GALNTL6: variants seen among roughly 807,000 people sequenced by gnomAD.
GALNTL6 encodes polypeptide N-acetylgalactosaminyltransferase-like 6.
A neutral mutation model predicts 73.7 loss-of-function variants in GALNTL6; 46 were observed. The ratio of observed to expected loss-of-function variants is 0.62; its 90% confidence interval spans 0.49 to 0.80. GALNTL6 has a LOEUF of 0.80. GALNTL6 is among the 30% of genes least tolerant of loss of function. GALNTL6 has a pLI of 0.00. For missense variants in GALNTL6, 604 were observed against 755.0 expected (o/e 0.80, Z 2.34); for synonymous variants, 259 against 263.7 (o/e 0.98, Z 0.17).
intron 5 of GALNTL6, among the ~76,000 whole-genome samples, chr4:172,568,563 T>C (rs1406004723): frequency 6.6e-6 from 1 of 151,750 alleles, no homozygotes; most frequent in Non-Finnish European, 1.5e-5. Flanking sequence ...GAGACCATCC[T>C]GGCTAACACG....
chr4:172,576,578 A>G (rs935776781), intron 5 of GALNTL6, among the ~76,000 whole-genome samples: 3 of 152,150 alleles, frequency 2.0e-5, no homozygotes, highest in Non-Finnish European at 4.4e-5. Flanking sequence ...TCAATTACCT[A>G]ACTTCTGAGT....
rs950159220 is a variant in GALNTL6, at chr4:171,841,222, A to T, written c.138+26504A>T. ...ATAAAGGTTAAAAATAATGTAGCAT[A>T]TGATTATCAGGATGAAGAATTGAAA... On this transcript the variant is annotated intron_variant, in intron 2 of 12. Transcript: ENST00000506823. Among the ~76,000 whole-genome samples the T allele has an allele frequency of 5.9e-5, 9 of 152,320 alleles. No homozygotes were observed. The South Asian group carries it at 1.9e-3, about 32-fold the overall frequency.
intron 1 of GALNTL6, 117 bp from the exon 2 acceptor site, chr4:171,814,295 T>G: frequency 2.1e-6 from 1 of 471,606 alleles, no homozygotes; most frequent in East Asian, 4.1e-5. Context: ...TGCTTTATAT[T>G]AATGGAGGTC....
At chr4:172,159,790 C>G (rs879608626) in intron 2 of GALNTL6, among the ~76,000 whole-genome samples, 1 of 151,992 alleles carries the variant, frequency 6.6e-6, no homozygotes, top group Non-Finnish European at 1.5e-5. Flanking sequence ...ATCATACATG[C>G]GTTGAAATAA....
chr4:172,233,042 G>T (rs1737122756), intron 3 of GALNTL6, among the ~76,000 whole-genome samples: 1 of 151,972 alleles, frequency 6.6e-6, no homozygotes, highest in Non-Finnish European at 1.5e-5. Flanking sequence ...TAAAAGATAG[G>T]TCATACTGAT....
At chr4:171,912,300 A>G (rs1280300791) in intron 2 of GALNTL6, among the ~76,000 whole-genome samples, 2 of 152,174 alleles carry the variant, frequency 1.3e-5, no homozygotes, top group Non-Finnish European at 1.5e-5. Context: ...TTGCTGCAGT[A>G]GGAGTGTGAC....
chr4:172,084,778 G>A (rs1731977229), intron 2 of GALNTL6, among the ~76,000 whole-genome samples: 1 of 152,078 alleles, frequency 6.6e-6, no homozygotes, highest in South Asian at 2.1e-4. Flanking sequence ...AGTATAATGA[G>A]TCATATACAG....
chr4:172,180,105 C>A (rs1735188575), intron 2 of GALNTL6, among the ~76,000 whole-genome samples: 1 of 152,222 alleles, frequency 6.6e-6, no homozygotes, highest in Admixed American at 6.5e-5. Flanking sequence ...TCTCCAGCAT[C>A]TGTTGTTTCC....
At chr4:172,807,839 C>T (rs767532998) in intron 5 of GALNTL6, among the ~76,000 whole-genome samples, 1 of 151,968 alleles carries the variant, frequency 6.6e-6, no homozygotes, top group Non-Finnish European at 1.5e-5. Context: ...TTTGTTTTTT[C>T]GGAGACACAG....
chr4:171,897,662 T>C (rs1736964652), intron 2 of GALNTL6, among the ~76,000 whole-genome samples: 1 of 151,508 alleles, frequency 6.6e-6, no homozygotes, highest in Admixed American at 6.6e-5. Context: ...TTCTTTTTTC[T>C]TTTTTCGAGA....
chr4:172,882,812 C>A lies in GALNTL6; in HGVS notation c.946C>A (p.Leu316Ile), dbSNP rs771626576. 1.2e-6 allele frequency: 2 copies of A among 1,611,898 alleles called. No individual in the cohort carries two copies. The highest frequency in any genetic ancestry group is 1.3e-5 in the African/African-American group (1 of 74,818). The stretch of plus-strand genomic sequence containing the variant: ...CAGGTCTCCTGTTATGGCTGGAGGT[C>A]TCTTTGCTGTGGATCGGAAATGGTT... ...PFESPVMAGG[L>I]FAVDRKWFWE... The change falls in exon 8 of 13, where the codon CTC (leucine) becomes ATC (isoleucine). Residue 316 changes from leucine to isoleucine, a missense_variant. Physicochemically the swap from Leu to Ile is conservative, Grantham distance 5. Around this residue, in one of 5 missense-constraint regions of GALNTL6, gnomAD observed 179 missense variants for 230.8 expected, o/e 0.78. Transcript: ENST00000506823.
chr4:172,989,120 G>T (rs1751429247), intron 10 of GALNTL6, among the ~76,000 whole-genome samples: 1 of 152,150 alleles, frequency 6.6e-6, no homozygotes, highest in Non-Finnish European at 1.5e-5. Flanking sequence ...CTGGCAGCTT[G>T]CACTGTGCAC....
rs777899829 is a variant in GALNTL6, at chr4:172,462,546, C to T, written c.553+113857C>T. Among the ~76,000 whole-genome samples the T allele has an allele frequency of 3.3e-5, 5 of 152,262 alleles. No homozygotes were observed. The East Asian group carries it at 9.7e-4, about 29-fold the overall frequency. On this transcript the variant is annotated intron_variant, in intron 5 of 12. Coordinates refer to ENST00000506823, the MANE Select transcript of GALNTL6 (RefSeq NM_001034845.3). ...ACAGTGTCACTTTCAGTAAACTTTT[C>T]GCTCCTTAGGGAGTGTGCCTGCCAA...
rs187368507 is a variant in GALNTL6, at chr4:172,435,295, T to C, written c.553+86606T>C. Among the ~76,000 whole-genome samples the C allele has an allele frequency of 5.4e-3, 815 of 152,292 alleles. 5 individuals are homozygous for C. Among genetic ancestry groups the C allele is most frequent in the Non-Finnish European group, 8.7e-3 (593 of 68,016 alleles). On this transcript the variant is annotated intron_variant, in intron 5 of 12. Coordinates refer to ENST00000506823, the MANE Select transcript of GALNTL6 (RefSeq NM_001034845.3). Reference sequence around the variant, plus strand: ...CTAGATGACTGGCTTGGGTGTCTGCTGTTGCTATTCACCAACTAAGAAAGA... The same window carrying C: ...CTAGATGACTGGCTTGGGTGTCTGCCGTTGCTATTCACCAACTAAGAAAGA...
intron 5 of GALNTL6, among the ~76,000 whole-genome samples, chr4:172,761,455 T>C (rs1055551836): frequency 6.6e-6 from 1 of 152,200 alleles, no homozygotes; most frequent in Admixed American, 6.5e-5. Context: ...CTTTTTTCAA[T>C]GTTTATTTGA....
rs1348169136 is a variant in GALNTL6 at position 173,041,434 on chromosome 4, T to C, written c.*1334T>C. On this transcript the variant is annotated 3_prime_UTR_variant, in exon 13 of 13. Coordinates refer to ENST00000506823, the MANE Select transcript of GALNTL6 (RefSeq NM_001034845.3). ...AAAACACAGGTATCAAGGTGGTTCT[T>C]GGGAAAAAAGAATCATGTTTATTAT... 6.6e-6 allele frequency: 1 copy of C among 152,160 alleles called. No homozygotes were observed. Among genetic ancestry groups the C allele is most frequent in the African/African-American group, 2.4e-5 (1 of 41,454 alleles). 9.4% of individuals were successfully genotyped at this position (152,160 alleles called of 1,614,324 possible).
intron 2 of GALNTL6, among the ~76,000 whole-genome samples, chr4:172,098,377 G>A (rs539748138): frequency 8.5e-5 from 13 of 152,146 alleles, no homozygotes; most frequent in African/African-American, 3.1e-4. Context: ...AAGAATTACT[G>A]GGGTTGGTGA....
intron 2 of GALNTL6, among the ~76,000 whole-genome samples, chr4:172,152,296 T>A (rs1204941051): frequency 6.6e-6 from 1 of 152,154 alleles, no homozygotes; most frequent in African/African-American, 2.4e-5. Flanking sequence ...CTATATTTTT[T>A]AATTGAAGAT....
intron 3 of GALNTL6, among the ~76,000 whole-genome samples, chr4:172,291,489 T>TA (rs1189155357): frequency 1.3e-5 from 2 of 152,164 alleles, no homozygotes; most frequent in African/African-American, 2.4e-5. Context: ...AGTATGATAC[T>TA]AAAAAATCAT....
Sources: allele counts gnomAD v4.1 joint callset (sites outside exome capture counted in the v4.1 genomes callset), GRCh38; gene constraint gnomAD v4.1.1; regional missense constraint gnomAD v4.1.1; transcripts MANE v1.5; gene names NCBI Gene and HGNC (gene_info 2026-07-23, HGNC 2026-07-21).